Variants in GRM7 observed in about 807,000 individuals in gnomAD.
The protein encoded by GRM7 is metabotropic glutamate receptor 7.
Under a neutral mutation model 84.5 loss-of-function variants are expected in GRM7, and 35 were observed. The ratio of observed to expected loss-of-function variants is 0.41; its 90% CI spans 0.32 to 0.55. The LOEUF (loss-of-function observed/expected upper bound fraction) is 0.55. Ranked by LOEUF, GRM7 falls within the 20% of genes least tolerant of loss-of-function variation. The pLI, the probability that GRM7 is intolerant of heterozygous loss-of-function variation, is 0.19. For synonymous variants in GRM7, 487 were observed against 455.1 expected, an observed-to-expected ratio of 1.07 and a Z score of -0.89; for missense variants, 1,003 against 1,194.6, an observed-to-expected ratio of 0.84 and a Z score of 2.36.
chr3:6,923,696 G>C (rs1289438060), intron 1 of GRM7, among the ~76,000 whole-genome samples: 1 of 152,146 alleles, frequency 6.6e-6, no homozygotes, highest in Non-Finnish European at 1.5e-5. Context: ...TTTGTTATCA[G>C]ACCCATTCTG....
chr3:7,018,216 C>T (rs1435502882), intron 1 of GRM7, among the ~76,000 whole-genome samples: 6 of 151,914 alleles, frequency 3.9e-5, no homozygotes, highest in Non-Finnish European at 7.4e-5. Flanking sequence ...TTCTTTTTTT[C>T]ATATGAAGTC....
intron 9 of GRM7, among the ~76,000 whole-genome samples, chr3:7,738,465 A>G (rs892578023): frequency 1.3e-5 from 2 of 152,192 alleles, no homozygotes; most frequent in African/African-American, 2.4e-5. Context: ...TTTATATCCA[A>G]TTTTTTTAAA....
intron 4 of GRM7, among the ~76,000 whole-genome samples, chr3:7,344,403 G>A (rs999048977): frequency 1.3e-5 from 2 of 152,046 alleles, no homozygotes; most frequent in Admixed American, 6.6e-5. Context: ...TTCCATCCAC[G>A]TCCCAGCAAA....
chr3:7,263,818 G>A lies in GRM7; in HGVS notation c.737-34866G>A, dbSNP rs539631251. On this transcript the variant is annotated intron_variant, in intron 2 of 9. Transcript: ENST00000357716. The stretch of plus-strand genomic sequence containing the variant: ...CAGCAATGGCGGTAGGGTAGGTTGG[G>A]GGTTCATTCATGCTGGCAGCAGTGG... 2.0e-5 allele frequency among the ~76,000 whole-genome samples: 3 copies of A among 152,102 alleles called. No homozygotes were observed. In the South Asian group the frequency reaches 6.2e-4, roughly 32 times the overall value.
chr3:7,539,551 C>T (rs531994821), intron 7 of GRM7, among the ~76,000 whole-genome samples: 2 of 151,892 alleles, frequency 1.3e-5, no homozygotes, highest in African/African-American at 4.8e-5. Context: ...TGGCAGGTGC[C>T]TGTAATCCCA....
chr3:7,434,981 CA>C (rs1696983242), intron 5 of GRM7, among the ~76,000 whole-genome samples: 1 of 152,098 alleles, frequency 6.6e-6, no homozygotes, highest in African/African-American at 2.4e-5. Flanking sequence ...TTAACATATA[CA>C]AGGACATTCA....
At chr3:7,222,074 G>C (rs540194945) in intron 2 of GRM7, among the ~76,000 whole-genome samples, 2 of 152,146 alleles carry the variant, frequency 1.3e-5, no homozygotes, top group African/African-American at 4.8e-5. Flanking sequence ...CTCCCAAAGT[G>C]CTAGGATTAC....
At chr3:7,646,495 C>T (rs1241604577) in intron 8 of GRM7, among the ~76,000 whole-genome samples, 2 of 152,022 alleles carry the variant, frequency 1.3e-5, no homozygotes, top group African/African-American at 4.8e-5. Context: ...CCCCGCTGAC[C>T]ACAGTCAATT....
intron 1 of GRM7, among the ~76,000 whole-genome samples, chr3:6,996,551 G>A (rs1427398400): frequency 6.6e-6 from 1 of 152,124 alleles, no homozygotes; most frequent in African/African-American, 2.4e-5. Context: ...CCTGAACGCT[G>A]TTTTCTAAAA....
chr3:7,203,261 G>T (rs79419085), intron 2 of GRM7, among the ~76,000 whole-genome samples: 2,460 of 151,882 alleles, frequency 0.016, 64 homozygotes, highest in African/African-American at 0.056. Context: ...TATTCTCTAC[G>T]TCCATGAGAT....
Position 7,449,689 on chromosome 3 carries a change from G to T in GRM7, c.1175-2918G>T, listed in dbSNP as rs914996307. 2.6e-5 allele frequency among the ~76,000 whole-genome samples: 4 copies of T among 152,216 alleles called. No homozygotes were observed. The East Asian group carries it at 5.8e-4, about 22-fold the overall frequency. On this transcript the variant is annotated intron_variant, in intron 5 of 9. Transcript: ENST00000357716. ...GTCGCATATGGAAATTTGACATATA[G>T]TAAAGGCAGAACCTCAAATCAGCAA...
At chr3:7,108,570 T>A (rs1452486537) in intron 1 of GRM7, among the ~76,000 whole-genome samples, 1 of 151,826 alleles carries the variant, frequency 6.6e-6, no homozygotes, top group East Asian at 1.9e-4. Context: ...TCGTACACTC[T>A]TTTCTCTGTG....
chr3:7,098,796 T>G (rs1698944680), intron 1 of GRM7, among the ~76,000 whole-genome samples: 3 of 151,976 alleles, frequency 2.0e-5, no homozygotes, highest in Non-Finnish European at 2.9e-5. Context: ...TTCTGGTTCA[T>G]TAGAATGTCA....
intron 1 of GRM7, among the ~76,000 whole-genome samples, chr3:7,063,068 A>G (rs1697488910): frequency 6.6e-6 from 1 of 151,650 alleles, no homozygotes; most frequent in African/African-American, 2.4e-5. Flanking sequence ...TTCCTTCCCC[A>G]AGTAGCACAA....
chr3:7,625,820 G>T (rs1697581670), intron 8 of GRM7, among the ~76,000 whole-genome samples: 1 of 152,150 alleles, frequency 6.6e-6, no homozygotes. Flanking sequence ...TCAAAGGTAG[G>T]ACTTCTAAAG....
intron 4 of GRM7, among the ~76,000 whole-genome samples, chr3:7,385,558 C>T (rs939220241): frequency 3.3e-5 from 5 of 151,962 alleles, no homozygotes; most frequent in South Asian, 2.1e-4. Flanking sequence ...CCTCGGCCTC[C>T]GAAAGTGCTG....
intron 1 of GRM7, among the ~76,000 whole-genome samples, chr3:7,058,062 G>T (rs1697293442): frequency 6.6e-6 from 1 of 151,828 alleles, no homozygotes; most frequent in African/African-American, 2.4e-5. Context: ...ACTTTTATGT[G>T]TATAAACACA....
intron 1 of GRM7, among the ~76,000 whole-genome samples, chr3:6,991,133 C>T (rs1360272616): frequency 6.6e-6 from 1 of 152,128 alleles, no homozygotes; most frequent in African/African-American, 2.4e-5. Context: ...CCAACCTGCA[C>T]CCTTAGTTTA....
At chr3:7,661,793 T>TGAAAAAAAAAAAAAAAAAAAAAAAA in intron 8 of GRM7, among the ~76,000 whole-genome samples, 1 of 2,422 alleles carries the variant, frequency 4.1e-4, no homozygotes, top group Admixed American at 7.0e-3. Flanking sequence ...GGTCTCCGTC[T>TGAAAAAAAAAAAAAAAAAAAAAAAA]CAAAAAAAAA....
Sources: allele counts gnomAD v4.1 joint callset (sites outside exome capture counted in the v4.1 genomes callset), GRCh38; gene constraint gnomAD v4.1.1; transcripts MANE v1.5; gene names NCBI Gene and HGNC (gene_info 2026-07-23, HGNC 2026-07-21).